CBFA2T3: variants seen among roughly 807,000 people sequenced by gnomAD.
CBFA2T3 encodes the protein transcriptional corepressor CBFA2T3.
In CBFA2T3, 31 loss-of-function variants were observed where a neutral mutation model predicts 58.6. That is an observed-to-expected ratio of 0.53 (90% CI 0.40 to 0.71). CBFA2T3 has a LOEUF of 0.71. CBFA2T3 is among the 30% of genes least tolerant of loss of function. The pLI is 0.00. For synonymous variants in CBFA2T3, 531 were observed against 421.9 expected (o/e 1.26, Z -3.17); for missense variants, 1,076 against 963.1 (o/e 1.12, Z -1.55).
intron 1 of CBFA2T3, among the ~76,000 whole-genome samples, chr16:88,921,669 TAGG>T (rs1567609525): frequency 1.3e-5 from 2 of 152,146 alleles, no homozygotes; most frequent in Non-Finnish European, 2.9e-5. Context: ...GCTGGGGTGG[TAGG>T]AGGATAAGAG....
chr16:88,915,155 C>T (rs547205344), intron 1 of CBFA2T3, among the ~76,000 whole-genome samples: 43 of 139,928 alleles, frequency 3.1e-4, no homozygotes, highest in Non-Finnish European at 2.5e-4. Flanking sequence ...AGCAAGCTTC[C>T]GTTGAGGATC....
intron 3 of CBFA2T3, among the ~76,000 whole-genome samples, chr16:88,896,388 GC>G (rs1365547873): frequency 6.6e-6 from 1 of 152,152 alleles, no homozygotes; most frequent in Non-Finnish European, 1.5e-5. Context: ...CAGGATGGAC[GC>G]ACCGGCCCTC....
intron 1 of CBFA2T3, among the ~76,000 whole-genome samples, chr16:88,903,222 C>CACAA (rs1322890432): frequency 6.6e-6 from 1 of 152,230 alleles, no homozygotes; most frequent in Admixed American, 6.5e-5. Flanking sequence ...CCAAATACGG[C>CACAA]ACAAACCTCT....
In CBFA2T3 at chr16:88,903,822, G is replaced by A. The variant is rs187432045; in HGVS notation, c.152-2166C>T. 1.8e-3 allele frequency among the ~76,000 whole-genome samples: 275 copies of A among 152,274 alleles called. 3 individuals carry two copies. Among genetic ancestry groups the A allele is most frequent in the South Asian group, 2.1e-3 (10 of 4,824 alleles). On this transcript the variant is annotated intron_variant, in intron 1 of 11. Coordinates refer to ENST00000268679, the MANE Select transcript of CBFA2T3 (RefSeq NM_005187.6). ...CTTCAAACGCCAGGCTGGCTCGGGG[G>A]ACACAGGTCCAGGACACTGGGGATG...
chr16:88,880,703 C>CCCG lies in CBFA2T3; in HGVS notation c.1471+16_1471+17insCGG, dbSNP rs780922070. 6,830 of 1,555,720 alleles carry CCCG rather than the reference C, an allele frequency of 4.4e-3. 202 individuals are homozygous for CCCG. The African/African-American group carries it at 0.069, about 16-fold the overall frequency. ...CTCCCACAGCTCTGCTGGCCAGGCC[C>CCCG]CTGCACCCCCACTCACCAGCCTTCC... On this transcript the variant is annotated intron_variant, in intron 10 of 11. Coordinates refer to ENST00000268679, the MANE Select transcript of CBFA2T3 (RefSeq NM_005187.6).
intron 1 of CBFA2T3, among the ~76,000 whole-genome samples, chr16:88,910,259 C>T (rs1268579745): frequency 1.3e-5 from 2 of 152,236 alleles, no homozygotes. Context: ...CTGCCTCCTT[C>T]CCGGTGATGC....
At chr16:88,906,695 C>T (rs8062621) in intron 1 of CBFA2T3, among the ~76,000 whole-genome samples, 6,463 of 152,326 alleles carry the variant, frequency 0.042, 189 homozygotes, top group African/African-American at 0.081. Flanking sequence ...CTACCCGCTG[C>T]CCCATGAGGC....
intron 1 of CBFA2T3, among the ~76,000 whole-genome samples, chr16:88,948,052 C>T (rs1299492228): frequency 1.3e-5 from 2 of 152,142 alleles, no homozygotes; most frequent in Non-Finnish European, 1.5e-5. Context: ...GACATTAATT[C>T]CATTCCCGTG....
At chr16:88,916,825 G>C (rs1009128165) in intron 1 of CBFA2T3, among the ~76,000 whole-genome samples, 6 of 152,156 alleles carry the variant, frequency 3.9e-5, no homozygotes, top group Non-Finnish European at 7.4e-5. Flanking sequence ...GTGGCCAACA[G>C]AGAGGAGGTC....
chr16:88,893,260 C>G (rs1232145845), intron 3 of CBFA2T3, among the ~76,000 whole-genome samples: 1 of 147,144 alleles, frequency 6.8e-6, no homozygotes, highest in Non-Finnish European at 1.5e-5. Flanking sequence ...GAGCAATGTG[C>G]CTCCCCACAC....
chr16:88,902,448 A>G (rs993077038), intron 1 of CBFA2T3: 3 of 151,484 alleles, frequency 2.0e-5, no homozygotes, highest in African/African-American at 7.4e-5. Flanking sequence ...GGCTCCCTGA[A>G]GTCTGAGAAG....
intron 1 of CBFA2T3, among the ~76,000 whole-genome samples, chr16:88,971,514 G>C (rs1473133250): frequency 6.6e-6 from 1 of 151,874 alleles, no homozygotes; most frequent in Non-Finnish European, 1.5e-5. Context: ...CCTCGGTGGG[G>C]TCCCCGCTGT....
chr16:88,877,426 G>A, intron 11 of CBFA2T3, 151 bp from the exon 12 acceptor site: 1 of 660,856 alleles, frequency 1.5e-6, no homozygotes, highest in Admixed American at 3.0e-5. Flanking sequence ...CCATGCTCCA[G>A]ATACAGCCAC....
chr16:88,934,520 A>T (rs1971432260), intron 1 of CBFA2T3, among the ~76,000 whole-genome samples: 1 of 152,214 alleles, frequency 6.6e-6, no homozygotes, highest in South Asian at 2.1e-4. Flanking sequence ...TCGGGGGGCG[A>T]CAGGCGAGGC....
intron 3 of CBFA2T3, 87 bp downstream of exon 3, chr16:88,897,991 C>T (rs1209271980): frequency 1.3e-5 from 12 of 959,046 alleles, no homozygotes; most frequent in South Asian, 6.5e-5. Flanking sequence ...GAGAGCTGAG[C>T]GCCCCCAGGG....
rs982039355 is a variant in CBFA2T3, at chr16:88,971,681, C to T, written c.151+4976G>A. Among the ~76,000 whole-genome samples the T allele has an allele frequency of 2.0e-5, 3 of 152,250 alleles. No homozygotes were observed. The East Asian group carries it at 5.8e-4, about 29-fold the overall frequency. ...GAGTGACCCAGTCCACAGCTCCCAG[C>T]TGGAGTTCCTTCAAAGGGTGGGTGG... On this transcript the variant is annotated intron_variant, in intron 1 of 11. Coordinates refer to ENST00000268679, the MANE Select transcript of CBFA2T3 (RefSeq NM_005187.6).
intron 7 of CBFA2T3, chr16:88,883,777 G>A (rs1309200637): frequency 6.6e-6 from 1 of 151,102 alleles, no homozygotes; most frequent in African/African-American, 2.4e-5. Context: ...CGGTGGCTGT[G>A]CCCACGGGAG....
At chr16:88,901,679 G>C in intron 1 of CBFA2T3, 23 bp from the exon 2 acceptor site, 1 of 1,517,962 alleles carries the variant, frequency 6.6e-7, no homozygotes, top group Non-Finnish European at 8.7e-7. Flanking sequence ...GAGAAAGAAA[G>C]AGTCGGTGAA....
intron 1 of CBFA2T3, among the ~76,000 whole-genome samples, chr16:88,963,628 C>T (rs867631951): frequency 2.0e-5 from 3 of 152,214 alleles, no homozygotes; most frequent in Non-Finnish European, 4.4e-5. Flanking sequence ...GGGACCAGAC[C>T]GTATGCGGCC....
Sources: allele counts gnomAD v4.1 joint callset (sites outside exome capture counted in the v4.1 genomes callset), GRCh38; gene constraint gnomAD v4.1.1; transcripts MANE v1.5; gene names NCBI Gene and HGNC (gene_info 2026-07-23, HGNC 2026-07-21).